The following FRMD6 variants were observed in gnomAD, a reference collection of about 807,000 sequenced individuals.
The protein encoded by FRMD6 is FERM domain containing 6, also known as FERM domain-containing protein 6.
In FRMD6, 37 loss-of-function variants were observed where a neutral mutation model predicts 73.2. That is an observed-to-expected ratio of 0.51 (90% CI 0.39 to 0.66). The LOEUF (loss-of-function observed/expected upper bound fraction) is 0.66. Among genes scored for constraint, FRMD6 ranks in the 30% least tolerant of loss-of-function variants. The probability of loss-of-function intolerance (pLI) is 0.00; values close to 1 mark genes in which losing one functional copy is unlikely to be tolerated. For synonymous variants in FRMD6, 273 were observed against 282.2 expected (o/e 0.97, Z 0.33); for missense variants, 714 against 780.5 (o/e 0.91, Z 1.02).
At chr14:51,716,919 C>A (rs967838854) in intron 10 of FRMD6, among the ~76,000 whole-genome samples, 1 of 152,236 alleles carries the variant, frequency 6.6e-6, no homozygotes, top group African/African-American at 2.4e-5. Flanking sequence ...AAGTCAGCTT[C>A]ATTCCTAAAC....
chr14:51,569,489 T>G (rs961269602), intron 1 of FRMD6, among the ~76,000 whole-genome samples: 4 of 149,236 alleles, frequency 2.7e-5, no homozygotes, highest in African/African-American at 9.8e-5. Flanking sequence ...AATAGAATTT[T>G]CTTTTCTTTC....
At chr14:51,629,016 A>G (rs1382093298) in intron 2 of FRMD6, among the ~76,000 whole-genome samples, 6 of 150,778 alleles carry the variant, frequency 4.0e-5, no homozygotes, top group Admixed American at 4.0e-4. Context: ...AGCTGGGACT[A>G]CAGACGCCCG....
chr14:51,666,286 A>G (rs543286959), intron 1 of FRMD6, among the ~76,000 whole-genome samples: 159 of 152,308 alleles, frequency 1.0e-3, no homozygotes, highest in Non-Finnish European at 1.8e-3. Flanking sequence ...ATGCGTCATT[A>G]CTATGTGCCG....
At chr14:51,445,244 T>G in the FRMD6 span, among the ~76,000 whole-genome samples, 2 of 152,154 alleles carry the variant, frequency 1.3e-5, no homozygotes, top group African/African-American at 4.8e-5. Context: ...GGGCTGCGAC[T>G]GGGCCCCCCT....
At chr14:51,588,678 C>A (rs1285429583) in intron 2 of FRMD6, among the ~76,000 whole-genome samples, 1 of 152,162 alleles carries the variant, frequency 6.6e-6, no homozygotes, top group Non-Finnish European at 1.5e-5. Flanking sequence ...GCTGCCCCAA[C>A]CTCACACTCT....
rs940579929 is a variant in FRMD6 at position 51,653,546 on chromosome 14, AT to A, written c.-147+1559del. Among the ~76,000 whole-genome samples the A allele has an allele frequency of 7.2e-5, 11 of 152,010 alleles. No homozygotes were observed. The East Asian group carries it at 1.9e-3, about 27-fold the overall frequency. On this transcript the variant is annotated intron_variant, in intron 1 of 13. Transcript: ENST00000344768. Reference sequence around the variant, plus strand: ...GTTCAGCAGTGTTAAAGGATGAGAAATTTTTTTTTAGAATTTAGAGCATTAT... The same window carrying A: ...GTTCAGCAGTGTTAAAGGATGAGAAATTTTTTTTAGAATTTAGAGCATTAT...
At chr14:51,571,678 T>A (rs1180862979) in intron 2 of FRMD6, among the ~76,000 whole-genome samples, 1 of 152,182 alleles carries the variant, frequency 6.6e-6, no homozygotes, top group Non-Finnish European at 1.5e-5. Context: ...AAATCATACA[T>A]ATTTCTTGAC....
chr14:51,713,118 G>A (rs865786411), intron 9 of FRMD6, among the ~76,000 whole-genome samples: 3 of 151,918 alleles, frequency 2.0e-5, no homozygotes, highest in African/African-American at 4.8e-5. Context: ...TTTTTGGTAG[G>A]GTTCAAAGAA....
At chr14:51,509,285 A>G (rs1884150138) in intron 1 of FRMD6, among the ~76,000 whole-genome samples, 1 of 152,302 alleles carries the variant, frequency 6.6e-6, no homozygotes, top group African/African-American at 2.4e-5. Context: ...GCACTTTGGG[A>G]GGCCGAGGCT....
At chr14:51,519,784 C>G (rs1220999228) in intron 1 of FRMD6, among the ~76,000 whole-genome samples, 1 of 152,140 alleles carries the variant, frequency 6.6e-6, no homozygotes, top group African/African-American at 2.4e-5. Flanking sequence ...GCAGAGACTC[C>G]TGGTAGCACA....
chr14:51,440,568 C>T, the FRMD6 span, among the ~76,000 whole-genome samples: 1 of 152,154 alleles, frequency 6.6e-6, no homozygotes, highest in African/African-American at 2.4e-5. Flanking sequence ...GTGAGGTAGG[C>T]TACCCTTAGA....
chr14:51,491,556 A>G (rs1345460018), intron 1 of FRMD6: 2 of 152,228 alleles, frequency 1.3e-5, no homozygotes, highest in Non-Finnish European at 2.9e-5. Context: ...AAGGCTTTAT[A>G]TACCTGATCT....
intron 2 of FRMD6, among the ~76,000 whole-genome samples, chr14:51,607,736 T>G (rs1056508143): frequency 6.6e-6 from 1 of 152,186 alleles, no homozygotes; most frequent in Non-Finnish European, 1.5e-5. Flanking sequence ...TACTTAACTA[T>G]ATGTCTAAAT....
the FRMD6 span, among the ~76,000 whole-genome samples, chr14:51,481,549 G>A: frequency 5.3e-5 from 8 of 152,308 alleles, no homozygotes; most frequent in East Asian, 9.6e-4. Context: ...ACACAGCCAA[G>A]CCATATCAAA....
intron 1 of FRMD6, among the ~76,000 whole-genome samples, chr14:51,498,159 A>T (rs1201189761): frequency 6.6e-6 from 1 of 152,242 alleles, no homozygotes; most frequent in Non-Finnish European, 1.5e-5. Context: ...CAGTGTTAAA[A>T]ATAAAAACAA....
intron 5 of FRMD6, 187 bp from the exon 6 acceptor site, chr14:51,704,562 C>T: frequency 3.7e-6 from 2 of 535,650 alleles, no homozygotes; most frequent in Non-Finnish European, 3.3e-6. Context: ...GGGTTCTGAC[C>T]CCCTGCAACC....
At chr14:51,701,684 TAATA>T (rs1439114334) in intron 4 of FRMD6, among the ~76,000 whole-genome samples, 1 of 150,490 alleles carries the variant, frequency 6.6e-6, no homozygotes, top group East Asian at 1.9e-4. Flanking sequence ...TTATAGAAAA[TAATA>T]AATAGAATCT....
intron 2 of FRMD6, among the ~76,000 whole-genome samples, chr14:51,640,419 T>C (rs1171982218): frequency 6.6e-6 from 1 of 152,246 alleles, no homozygotes; most frequent in Non-Finnish European, 1.5e-5. Flanking sequence ...CATTTGGATC[T>C]TTTTGCTGAT....
the FRMD6 span, among the ~76,000 whole-genome samples, chr14:51,447,794 CA>C: frequency 6.6e-6 from 1 of 152,230 alleles, no homozygotes; most frequent in African/African-American, 2.4e-5. Context: ...CCCCACCCCT[CA>C]ACACCACCAT....
Sources: gnomAD v4.1 joint callset for allele counts (sites outside exome capture counted in the v4.1 genomes callset) on GRCh38, gnomAD v4.1.1 for gene constraint, MANE v1.5 for transcripts, NCBI Gene and HGNC (gene_info 2026-07-23, HGNC 2026-07-21) for gene names.